KATNAL2: variants seen among roughly 807,000 people sequenced by gnomAD.
KATNAL2 encodes katanin p60 ATPase-containing subunit A-like 2.
A neutral mutation model predicts 76.3 loss-of-function variants in KATNAL2; 52 were observed. The observed-to-expected ratio is 0.68, with a 90% CI of 0.55 to 0.86. KATNAL2 has a LOEUF of 0.86. Ranked by LOEUF, KATNAL2 falls within the 40% of genes least tolerant of loss-of-function variation. The probability of loss-of-function intolerance (pLI) is 0.00; values close to 1 mark genes in which losing one functional copy is unlikely to be tolerated. For missense variants in KATNAL2, 660 were observed against 668.9 expected, an observed-to-expected ratio of 0.99 and a Z score of 0.15; for synonymous variants, 243 against 244.2, an observed-to-expected ratio of 1.00 and a Z score of 0.05.
At chr18:46,930,193 G>T (rs11876140) in intron 1 of KATNAL2, among the ~76,000 whole-genome samples, 4 of 152,068 alleles carry the variant, frequency 2.6e-5, no homozygotes. Context: ...CCTTAACCTT[G>T]AAATTATTTG....
intron 3 of KATNAL2, among the ~76,000 whole-genome samples, chr18:47,036,086 A>G (rs2060762782): frequency 3.3e-5 from 5 of 152,318 alleles, no homozygotes; most frequent in African/African-American, 1.2e-4. Context: ...GAATTTAACT[A>G]TTTCCAAGAA....
intron 3 of KATNAL2, among the ~76,000 whole-genome samples, chr18:46,951,254 T>C (rs1043123699): frequency 1.3e-5 from 2 of 152,184 alleles, no homozygotes; most frequent in Non-Finnish European, 2.9e-5. Flanking sequence ...TTATATTTTA[T>C]TTAACTTTTG....
At chr18:47,032,705 C>A in intron 3 of KATNAL2, 1 of 465,954 alleles carries the variant, frequency 2.1e-6, no homozygotes, top group Non-Finnish European at 3.7e-6. Flanking sequence ...CATCTTTTTC[C>A]TTATTTATGA....
chr18:47,058,585 C>T lies in KATNAL2; in HGVS notation c.450+233C>T, dbSNP rs549412050. 2.0e-5 allele frequency among the ~76,000 whole-genome samples: 3 copies of T among 151,896 alleles called. No homozygotes were observed. The South Asian group carries it at 6.2e-4, about 32-fold the overall frequency. ...GGACTTTTTTCTCCTCCAAGTTTTT[C>T]CCCTGGTCTGGGTGCTGGGTGATTG... On this transcript the variant is annotated intron_variant, in intron 7 of 17. Transcript: ENST00000683218.
At chr18:47,034,465 G>A (rs995020698) in intron 3 of KATNAL2, 1 of 1,614,070 alleles carries the variant, frequency 6.2e-7, no homozygotes, top group African/African-American at 1.3e-5. Context: ...ACTTGCCCAG[G>A]AGGGCATCCT....
intron 8 of KATNAL2, among the ~76,000 whole-genome samples, chr18:47,061,510 C>T (rs1024596527): frequency 6.6e-6 from 1 of 152,186 alleles, no homozygotes; most frequent in African/African-American, 2.4e-5. Flanking sequence ...ACCAGGCCCA[C>T]CTCCAACACT....
intron 1 of KATNAL2, among the ~76,000 whole-genome samples, chr18:46,924,814 A>G (rs923767956): frequency 6.6e-6 from 1 of 151,428 alleles, no homozygotes; most frequent in African/African-American, 2.4e-5. Context: ...GTTGGATTCA[A>G]TACCTTGTAA....
chr18:47,073,054 A>C (rs1016719848), intron 13 of KATNAL2, among the ~76,000 whole-genome samples: 2 of 152,170 alleles, frequency 1.3e-5, no homozygotes, highest in Non-Finnish European at 2.9e-5. Flanking sequence ...TCGCCAAGTC[A>C]GAGGGAACAG....
intron 1 of KATNAL2, among the ~76,000 whole-genome samples, chr18:46,932,642 C>G (rs1462123184): frequency 1.7e-5 from 2 of 116,630 alleles, no homozygotes; most frequent in Non-Finnish European, 3.3e-5. Context: ...CCACTGCACT[C>G]TAGCTTGGGC....
At chr18:47,069,891 A>G (rs1403484876) in intron 13 of KATNAL2, among the ~76,000 whole-genome samples, 1 of 152,052 alleles carries the variant, frequency 6.6e-6, no homozygotes. Context: ...CTGACGTGGC[A>G]TATTTTTTCT....
At chr18:47,033,032 C>A (rs768718364) in intron 3 of KATNAL2, 11 of 1,614,022 alleles carry the variant, frequency 6.8e-6, no homozygotes, top group Non-Finnish European at 8.5e-6. Context: ...CTCTTGTAGT[C>A]TCGAATTGCC....
intron 3 of KATNAL2, among the ~76,000 whole-genome samples, chr18:46,961,207 T>A (rs1250416226): frequency 6.6e-6 from 1 of 152,148 alleles, no homozygotes; most frequent in African/African-American, 2.4e-5. Context: ...ATCTGGCTAT[T>A]TATCTTACTT....
In KATNAL2 at chr18:47,045,192, T is replaced by G. The variant is rs116519339; in HGVS notation, c.52-1265T>G. Reference sequence around the variant, plus strand: ...ATAAAAAAGCAACTTAGAAAAAAATTTAGTATTATTTGATTTTCAAATATT... The same window carrying G: ...ATAAAAAAGCAACTTAGAAAAAAATGTAGTATTATTTGATTTTCAAATATT... On this transcript the variant is annotated intron_variant, in intron 3 of 17. Transcript: ENST00000683218. Among the ~76,000 whole-genome samples the G allele has an allele frequency of 6.5e-3, 997 of 152,268 alleles. 5 individuals carry two copies. Among genetic ancestry groups the G allele is most frequent in the African/African-American group, 0.023 (957 of 41,566 alleles).
chr18:46,919,026 TG>T (rs2058344376), intron 1 of KATNAL2, among the ~76,000 whole-genome samples: 1 of 151,582 alleles, frequency 6.6e-6, no homozygotes, highest in East Asian at 1.9e-4. Flanking sequence ...TGTGTGTGTG[TG>T]TGTGTTGTGT....
chr18:47,094,156 T>A (rs943640472), intron 15 of KATNAL2, among the ~76,000 whole-genome samples: 1 of 152,216 alleles, frequency 6.6e-6, no homozygotes, highest in Non-Finnish European at 1.5e-5. Context: ...CTTGCCATCA[T>A]GTGAAGACAC....
intron 15 of KATNAL2, 179 bp downstream of exon 15, chr18:47,077,640 G>T (rs77403839): frequency 1.5e-5 from 8 of 535,360 alleles, no homozygotes; most frequent in Admixed American, 1.2e-4. Flanking sequence ...CGAAAGATCT[G>T]CCTTAACAGA....
chr18:47,033,648 G>C, intron 3 of KATNAL2: 5 of 1,614,230 alleles, frequency 3.1e-6, no homozygotes, highest in South Asian at 1.1e-5. Context: ...CGTCCGGATT[G>C]TTTCTAAGCA....
chr18:46,937,704 A>T (rs1477462962), intron 1 of KATNAL2, among the ~76,000 whole-genome samples: 1 of 152,204 alleles, frequency 6.6e-6, no homozygotes, highest in East Asian at 1.9e-4. Context: ...GCACTAGGAG[A>T]CATGTACAAG....
intron 1 of KATNAL2, among the ~76,000 whole-genome samples, chr18:46,919,721 A>C (rs1193152973): frequency 1.3e-5 from 2 of 152,248 alleles, no homozygotes; most frequent in Non-Finnish European, 2.9e-5. Context: ...ATGGCTGATA[A>C]ATGCCTAACA....
Sources: gnomAD v4.1 joint callset for allele counts (sites outside exome capture counted in the v4.1 genomes callset) on GRCh38, gnomAD v4.1.1 for gene constraint, MANE v1.5 for transcripts, NCBI Gene and HGNC (gene_info 2026-07-23, HGNC 2026-07-21) for gene names.